TSC22D1: variants seen among roughly 807,000 people sequenced by gnomAD.
TSC22D1 encodes TSC22 domain family member 1.
TSC22D1 carries 9 observed loss-of-function variants against 74.2 expected under a neutral mutation model. That is an observed-to-expected ratio of 0.12 (90% CI 0.07 to 0.21). TSC22D1 has a LOEUF of 0.21. Ranked by LOEUF, TSC22D1 falls within the 10% of genes least tolerant of loss-of-function variation. The pLI, the probability that TSC22D1 is intolerant of heterozygous loss-of-function variation, is 1.00. For synonymous variants in TSC22D1, 586 were observed against 492.5 expected, an observed-to-expected ratio of 1.19 and a Z score of -2.51; for missense variants, 1,427 against 1,304.7, an observed-to-expected ratio of 1.09 and a Z score of -1.44.
At chr13:44,459,435 T>C (rs990425209) in intron 1 of TSC22D1, among the ~76,000 whole-genome samples, 1 of 152,176 alleles carries the variant, frequency 6.6e-6, no homozygotes, top group African/African-American at 2.4e-5. Flanking sequence ...ACTTTGGGTC[T>C]CCTGAGAGCT....
chr13:44,446,775 A>G (rs1215739183), intron 1 of TSC22D1, among the ~76,000 whole-genome samples: 13 of 132,250 alleles, frequency 9.8e-5, no homozygotes, highest in Non-Finnish European at 1.5e-4. Context: ...AAGAGGAAGA[A>G]GAGGAAGAAG....
chr13:44,551,975 AGACACCATTTACGAAC>A (rs1158062385), intron 1 of TSC22D1, among the ~76,000 whole-genome samples: 2 of 152,246 alleles, frequency 1.3e-5, no homozygotes, highest in Non-Finnish European at 2.9e-5. Context: ...TAGTAAGAGC[AGACACCATTTACGAAC>A]GACCAAGAAC....
At chr13:44,470,163 T>C (rs1220382762) in intron 1 of TSC22D1, among the ~76,000 whole-genome samples, 3 of 152,142 alleles carry the variant, frequency 2.0e-5, no homozygotes. Context: ...TAGAAAAATA[T>C]GCAAGTAATT....
chr13:44,449,190 G>A (rs976074443), intron 1 of TSC22D1, among the ~76,000 whole-genome samples: 1 of 152,152 alleles, frequency 6.6e-6, no homozygotes, highest in Non-Finnish European at 1.5e-5. Flanking sequence ...CAGGCTGACA[G>A]GGGCACTCAG....
intron 1 of TSC22D1, among the ~76,000 whole-genome samples, chr13:44,493,528 G>A (rs1878819651): frequency 6.6e-6 from 1 of 152,164 alleles, no homozygotes; most frequent in African/African-American, 2.4e-5. Flanking sequence ...GCTGCAGCCT[G>A]GGAAGAAAGA....
rs554541858 is a variant in TSC22D1 at position 44,499,205 on chromosome 13, A to G, written c.2913-63110T>C. Among the ~76,000 whole-genome samples, 6 of 152,318 alleles carry G rather than the reference A, an allele frequency of 3.9e-5. No homozygotes were observed. The South Asian group carries it at 1.2e-3, about 32-fold the overall frequency. ...AGGCTTGCCAAATCATTTGGTTGGC[A>G]TTAGATAATATGCTGGAAACTAGAT... On this transcript the variant is annotated intron_variant, in intron 1 of 2. Transcript: ENST00000458659.
chr13:44,501,139 A>G (rs912874654), intron 1 of TSC22D1, among the ~76,000 whole-genome samples: 2 of 152,210 alleles, frequency 1.3e-5, no homozygotes, highest in African/African-American at 4.8e-5. Context: ...GGGACTAGAA[A>G]CTGCGAGGTG....
chr13:44,534,544 G>A (rs1881039111), intron 1 of TSC22D1, among the ~76,000 whole-genome samples: 1 of 151,832 alleles, frequency 6.6e-6, no homozygotes, highest in Non-Finnish European at 1.5e-5. Context: ...ATTCAATATT[G>A]CATTTTTCTT....
intron 1 of TSC22D1, among the ~76,000 whole-genome samples, chr13:44,513,101 A>C (rs1879815797): frequency 6.6e-6 from 1 of 152,198 alleles, no homozygotes; most frequent in African/African-American, 2.4e-5. Context: ...CATCCTCAGG[A>C]AGGTCTTGCC....
At chr13:44,550,614 G>C (rs921884255) in intron 1 of TSC22D1, among the ~76,000 whole-genome samples, 1 of 149,814 alleles carries the variant, frequency 6.7e-6, no homozygotes, top group East Asian at 2.0e-4. Flanking sequence ...AAAAAGAAAA[G>C]AAGTGAAGCT....
chr13:44,565,970 GA>G (rs951624945), intron 1 of TSC22D1, among the ~76,000 whole-genome samples: 9 of 152,024 alleles, frequency 5.9e-5, no homozygotes, highest in Non-Finnish European at 1.0e-4. Flanking sequence ...AGTTTCAAAA[GA>G]AAAAATAAAT....
chr13:44,441,268 A>C (rs1875176370), intron 1 of TSC22D1, among the ~76,000 whole-genome samples: 1 of 152,218 alleles, frequency 6.6e-6, no homozygotes, highest in Non-Finnish European at 1.5e-5. Context: ...CGTGCTAATG[A>C]ACACACAGAT....
chr13:44,515,687 T>C (rs1168746359), intron 1 of TSC22D1, among the ~76,000 whole-genome samples: 2 of 152,290 alleles, frequency 1.3e-5, no homozygotes, highest in East Asian at 3.9e-4. Context: ...ATCACCCACC[T>C]TGGCCTCCCA....
intron 1 of TSC22D1, among the ~76,000 whole-genome samples, chr13:44,444,317 AAG>A (rs1875458195): frequency 7.7e-6 from 1 of 129,528 alleles, no homozygotes; most frequent in Non-Finnish European, 1.7e-5. Flanking sequence ...AAGAAAAGAA[AAG>A]AAAAAGAAAA....
At chr13:44,493,305 A>AT (rs1275654548) in intron 1 of TSC22D1, among the ~76,000 whole-genome samples, 1 of 152,122 alleles carries the variant, frequency 6.6e-6, no homozygotes, top group Non-Finnish European at 1.5e-5. Flanking sequence ...AGCAGATCTT[A>AT]TTTTCAAAGA....
In TSC22D1 at chr13:44,433,363, T is replaced by A. The variant is rs1874217481; in HGVS notation, c.*1263A>T. ...CTCTTACCTGCTGAACAACTCAATG[T>A]GTCAATTTCCTTTTACTTCATGCAG... is the stretch of plus-strand genomic sequence containing the variant. On this transcript the variant is annotated 3_prime_UTR_variant, in exon 3 of 3. Transcript: ENST00000458659. 6.6e-6 allele frequency: 1 copy of A among 152,460 alleles called. No individual in the cohort carries two copies. 9.4% of individuals were successfully genotyped at this position (152,460 alleles called of 1,614,324 possible).
chr13:44,436,242 T>C, intron 1 of TSC22D1, 147 bp from the exon 2 acceptor site: 2 of 1,004,114 alleles, frequency 2.0e-6, no homozygotes, highest in Non-Finnish European at 2.9e-6. Context: ...CTCCAGAAAA[T>C]GCCAGCCCCT....
At chr13:44,490,945 T>TAC (rs1339974811) in intron 1 of TSC22D1, among the ~76,000 whole-genome samples, 1 of 148,548 alleles carries the variant, frequency 6.7e-6, no homozygotes, top group Non-Finnish European at 1.5e-5. Context: ...AAAATATATA[T>TAC]ACATATATAT....
chr13:44,470,131 A>C (rs1454013014), intron 1 of TSC22D1, among the ~76,000 whole-genome samples: 1 of 152,172 alleles, frequency 6.6e-6, no homozygotes, highest in African/African-American at 2.4e-5. Flanking sequence ...GTGATGTTAA[A>C]CTGATTCATC....
Sources: allele counts gnomAD v4.1 joint callset (sites outside exome capture counted in the v4.1 genomes callset), GRCh38; gene constraint gnomAD v4.1.1; transcripts MANE v1.5; gene names NCBI Gene and HGNC (gene_info 2026-07-23, HGNC 2026-07-21).